The following OTUB2 variants were observed in gnomAD, a reference collection of about 807,000 sequenced individuals.
OTUB2 encodes the protein ubiquitin thioesterase OTUB2.
In OTUB2, 21 loss-of-function variants were observed where a neutral mutation model predicts 25.1. The ratio of observed to expected loss-of-function variants is 0.84; its 90% CI spans 0.59 to 1.21. The LOEUF (loss-of-function observed/expected upper bound fraction) is 1.21. OTUB2 is among the 50% of genes most tolerant of loss of function. The pLI is 0.00. For missense variants in OTUB2, 283 were observed against 298.0 expected, an observed-to-expected ratio of 0.95 and a Z score of 0.37; for synonymous variants, 122 against 122.8, an observed-to-expected ratio of 0.99 and a Z score of 0.04.
chr14:94,041,648 G>A (rs1024369857), intron 3 of OTUB2, among the ~76,000 whole-genome samples: 5 of 151,974 alleles, frequency 3.3e-5, no homozygotes, highest in Admixed American at 2.6e-4. Context: ...TGACACCAAC[G>A]CCCTCCACAC....
intron 1 of OTUB2, among the ~76,000 whole-genome samples, chr14:94,032,115 C>T (rs74074373): frequency 0.083 from 12,651 of 152,166 alleles, 559 homozygotes; most frequent in Middle Eastern, 0.16. Flanking sequence ...CCAACTTCGG[C>T]GGACTTGGGT....
At chr14:94,033,525 T>C (rs1343777638) in intron 1 of OTUB2, among the ~76,000 whole-genome samples, 1 of 152,268 alleles carries the variant, frequency 6.6e-6, no homozygotes, top group African/African-American at 2.4e-5. Context: ...ATTTTGGTTT[T>C]GGTTTCGGGC....
chr14:94,038,988 TC>T lies in OTUB2; in HGVS notation c.127del (p.Arg43AlafsTer67), dbSNP rs754930935. ...GAACTCAGCAAAAGGTTCACCGCCA[TC>T]CGCAAGACCAAAGGGGATGGGAACT... ...IEELSKRFTA[I>X]RKTKGDGNCF... On this transcript the variant is annotated frameshift_variant, in exon 3 of 6. Transcript: ENST00000203664. LOFTEE classifies it high-confidence loss of function. 3 of 1,614,170 alleles carry T rather than the reference TC, an allele frequency of 1.9e-6. No individual in the cohort carries two copies. The highest frequency in any genetic ancestry group is 2.5e-6 in the Non-Finnish European group (3 of 1,180,030).
intron 3 of OTUB2, among the ~76,000 whole-genome samples, chr14:94,040,706 C>T (rs1255858027): frequency 6.6e-6 from 1 of 152,242 alleles, no homozygotes; most frequent in African/African-American, 2.4e-5. Flanking sequence ...TGTGGGGATA[C>T]TGCAGTGAAC....
In OTUB2 at chr14:94,045,739, G is replaced by C. The variant is rs776808873; in HGVS notation, c.522G>C (p.Glu174Asp). Reference sequence around the variant, plus strand: ...AGGAAGTAGAGCCCATGGCCACGGAGTGTGACCACATCCAGATCACGGCGT... The same window carrying C: ...AGGAAGTAGAGCCCATGGCCACGGACTGTGACCACATCCAGATCACGGCGT... The part of the protein sequence containing the change: ...CTHEVEPMAT[E>D]CDHIQITALS... Residue 174 changes from glutamate to aspartate, a missense_variant, in exon 6 of 6, where the codon GAG becomes GAC. Glu to Asp is a conservative substitution (Grantham distance 45). Coordinates refer to ENST00000203664, the MANE Select transcript of OTUB2 (RefSeq NM_023112.4). The C allele has an allele frequency of 1.9e-6, 3 of 1,614,208 alleles. No homozygotes were observed. The highest frequency in any genetic ancestry group is 2.2e-5 in the East Asian group (1 of 44,872).
intron 1 of OTUB2, among the ~76,000 whole-genome samples, chr14:94,035,244 CT>C (rs1325054121): frequency 6.8e-6 from 1 of 146,616 alleles, no homozygotes; most frequent in Non-Finnish European, 1.5e-5. Context: ...CTTCTTTCCT[CT>C]TTTGGAAACA....
intron 1 of OTUB2, among the ~76,000 whole-genome samples, chr14:94,036,782 G>A (rs572458831): frequency 2.0e-5 from 3 of 152,182 alleles, no homozygotes; most frequent in Middle Eastern, 3.4e-3. Context: ...TGTGCTCCCC[G>A]AGCTCAGATC....
At chr14:94,029,480 C>A (rs1054135563) in intron 1 of OTUB2, among the ~76,000 whole-genome samples, 1 of 152,212 alleles carries the variant, frequency 6.6e-6, no homozygotes, top group Non-Finnish European at 1.5e-5. Flanking sequence ...GGTTGCAGAA[C>A]TTTGATCTTC....
At chr14:94,036,284 A>T (rs17184481) in intron 1 of OTUB2, among the ~76,000 whole-genome samples, 282 of 152,266 alleles carry the variant, frequency 1.9e-3, no homozygotes, top group Non-Finnish European at 3.2e-3. Flanking sequence ...GTGATAAATG[A>T]ATGGAAAACT....
Position 94,045,941 on chromosome 14 carries a change from G to C in OTUB2, c.*19G>C. On this transcript the variant is annotated 3_prime_UTR_variant, in exon 6 of 6. Coordinates refer to ENST00000203664, the MANE Select transcript of OTUB2 (RefSeq NM_023112.4). ...ACATTGATTAATTTTAGGCCATGCAGTGGAACCTGTCACCTAATGGGACTG... is the reference window on the plus strand; with the variant it reads ...ACATTGATTAATTTTAGGCCATGCACTGGAACCTGTCACCTAATGGGACTG... The C allele has an allele frequency of 1.2e-6, 2 of 1,609,678 alleles. No homozygotes were observed. The highest frequency in any genetic ancestry group is 1.1e-5 in the South Asian group (1 of 90,894).
chr14:94,035,703 G>A (rs867559093), intron 1 of OTUB2, among the ~76,000 whole-genome samples: 20 of 152,302 alleles, frequency 1.3e-4, no homozygotes, highest in African/African-American at 2.9e-4. Context: ...CAGAAAGGGC[G>A]AAACAGAATA....
chr14:94,030,344 C>T (rs933115473), intron 1 of OTUB2, among the ~76,000 whole-genome samples: 2 of 130,302 alleles, frequency 1.5e-5, no homozygotes, highest in Admixed American at 8.1e-5. Context: ...AGAAGCCTGT[C>T]GGGGGTGGGG....
chr14:94,043,899 G>A (rs1595368861), intron 3 of OTUB2, 72 bp from the exon 4 acceptor site: 2 of 1,397,796 alleles, frequency 1.4e-6, no homozygotes, highest in Non-Finnish European at 2.0e-6. Flanking sequence ...GGTTGAGAGG[G>A]GGACGCACAG....
chr14:94,032,993 C>A (rs1884990314), intron 1 of OTUB2, among the ~76,000 whole-genome samples: 1 of 152,202 alleles, frequency 6.6e-6, no homozygotes, highest in African/African-American at 2.4e-5. Context: ...CTCACTGCAA[C>A]CTCTGCTGCC....
chr14:94,034,939 G>A (rs888521905), intron 1 of OTUB2, among the ~76,000 whole-genome samples: 1 of 152,170 alleles, frequency 6.6e-6, no homozygotes, highest in Non-Finnish European at 1.5e-5. Flanking sequence ...AGGTAGGATT[G>A]TTGTGACCTA....
rs138016715 is a variant in OTUB2 at position 94,039,095 on chromosome 14, C to G, written c.218+14C>G. On this transcript the variant is annotated intron_variant, in intron 3 of 5. Transcript: ENST00000203664. ...GGAGATCTTCAAGTGAGTGCCGGGG[C>G]CCCTTGGCCTGTCAGGGCTGTGTTC... 6.2e-7 allele frequency: 1 copy of G among 1,601,148 alleles called. No homozygotes were observed. The highest frequency in any genetic ancestry group is 2.2e-5 in the East Asian group (1 of 44,806).
At chr14:94,027,515 C>G (rs952426729) in intron 1 of OTUB2, among the ~76,000 whole-genome samples, 1 of 152,240 alleles carries the variant, frequency 6.6e-6, no homozygotes, top group African/African-American at 2.4e-5. Flanking sequence ...TTGGTCCGCT[C>G]TCCCCCTCAG....
At chr14:94,029,803 G>A (rs577208098) in intron 1 of OTUB2, among the ~76,000 whole-genome samples, 1 of 152,328 alleles carries the variant, frequency 6.6e-6, no homozygotes, top group South Asian at 2.1e-4. Context: ...CATGGAATTG[G>A]CATTCCAGTG....
At chr14:94,042,839 G>A (rs111691582) in intron 3 of OTUB2, among the ~76,000 whole-genome samples, 61 of 152,276 alleles carry the variant, frequency 4.0e-4, no homozygotes, top group African/African-American at 1.4e-3. Flanking sequence ...CAGTCAAGGC[G>A]TCATCACCAT....
Sources: gnomAD v4.1 joint callset for allele counts (sites outside exome capture counted in the v4.1 genomes callset) on GRCh38, gnomAD v4.1.1 for gene constraint, MANE v1.5 for transcripts, NCBI Gene and HGNC (gene_info 2026-07-23, HGNC 2026-07-21) for gene names.